NLGN1: variants seen among roughly 807,000 people sequenced by gnomAD.
The protein encoded by NLGN1 is neuroligin 1.
NLGN1 carries 12 observed loss-of-function variants against 65.5 expected under a neutral mutation model. The ratio of observed to expected loss-of-function variants is 0.18; its 90% CI spans 0.12 to 0.30. NLGN1 has a LOEUF of 0.30. NLGN1 is among the 10% of genes least tolerant of loss of function. The probability of loss-of-function intolerance (pLI) is 1.00; values close to 1 mark genes in which losing one functional copy is unlikely to be tolerated. For synonymous variants in NLGN1, 350 were observed against 359.5 expected (o/e 0.97, Z 0.30); for missense variants, 750 against 1,007.1 (o/e 0.74, Z 3.46).
At chr3:174,087,466 T>C (rs1377829685) in intron 4 of NLGN1, among the ~76,000 whole-genome samples, 1 of 152,168 alleles carries the variant, frequency 6.6e-6, no homozygotes. Flanking sequence ...AAAAGTGCTT[T>C]TATTATTTTA....
intron 3 of NLGN1, among the ~76,000 whole-genome samples, chr3:173,660,082 C>T (rs750139716): frequency 1.4e-5 from 2 of 139,318 alleles, no homozygotes; most frequent in African/African-American, 5.4e-5. Flanking sequence ...GGTACATGTT[C>T]TAGTAAAATG....
chr3:173,960,098 T>C (rs1315250061), intron 4 of NLGN1, among the ~76,000 whole-genome samples: 1 of 152,144 alleles, frequency 6.6e-6, no homozygotes, highest in African/African-American at 2.4e-5. Context: ...GTTTTGTGTA[T>C]TACTTTTTCC....
At chr3:174,200,708 C>A (rs1333281558) in intron 4 of NLGN1, among the ~76,000 whole-genome samples, 1 of 152,120 alleles carries the variant, frequency 6.6e-6, no homozygotes, top group Non-Finnish European at 1.5e-5. Context: ...CTTTTATATG[C>A]ACTTTTACCT....
intron 4 of NLGN1, among the ~76,000 whole-genome samples, chr3:173,976,346 G>A (rs1358236871): frequency 5.3e-5 from 8 of 152,032 alleles, no homozygotes; most frequent in African/African-American, 1.9e-4. Flanking sequence ...GTACAACAAT[G>A]AATGTACTAT....
intron 4 of NLGN1, among the ~76,000 whole-genome samples, chr3:173,926,675 C>T (rs1340430738): frequency 1.3e-5 from 2 of 152,166 alleles, no homozygotes; most frequent in Non-Finnish European, 2.9e-5. Flanking sequence ...TATATCGCAC[C>T]TTGTAATGTT....
At chr3:173,457,756 G>T (rs961043921) in intron 2 of NLGN1, among the ~76,000 whole-genome samples, 11 of 152,182 alleles carry the variant, frequency 7.2e-5, no homozygotes, top group African/African-American at 2.6e-4. Context: ...TATCTTATGG[G>T]TTGAATATGA....
rs1380098600 is a variant in NLGN1, at chr3:174,031,170, C to G, written c.646+223338C>G. On this transcript the variant is annotated intron_variant, in intron 4 of 6. Coordinates refer to ENST00000457714, the Ensembl canonical transcript of NLGN1. ...AGCAGTCCTAGAAGGCTTCTCCACA[C>G]CAGTTCCTTCTCCACAACCAGGGCC... is the stretch of plus-strand genomic sequence containing the variant. Among the ~76,000 whole-genome samples the G allele has an allele frequency of 7.9e-5, 12 of 152,272 alleles. No homozygotes were observed. The East Asian group carries it at 1.5e-3, about 20-fold the overall frequency.
intron 3 of NLGN1, among the ~76,000 whole-genome samples, chr3:173,700,693 T>G (rs1457046191): frequency 6.6e-6 from 1 of 152,250 alleles, no homozygotes; most frequent in Admixed American, 6.5e-5. Flanking sequence ...TCATATTTTA[T>G]TTTTTAATGT....
At chr3:174,239,743 TAGATCTAAGA>T (rs1220696809) in intron 4 of NLGN1, among the ~76,000 whole-genome samples, 2 of 152,154 alleles carry the variant, frequency 1.3e-5, no homozygotes, top group African/African-American at 4.8e-5. Context: ...TATCCAGCCT[TAGATCTAAGA>T]AGAGGGTTTG....
chr3:174,214,140 A>T (rs570103116), intron 4 of NLGN1, among the ~76,000 whole-genome samples: 15 of 152,302 alleles, frequency 9.8e-5, no homozygotes, highest in African/African-American at 3.4e-4. Context: ...TAAAGGATAC[A>T]AAACTACAGC....
intron 4 of NLGN1, among the ~76,000 whole-genome samples, chr3:174,057,294 G>T (rs114010055): frequency 6.6e-6 from 1 of 152,124 alleles, no homozygotes; most frequent in African/African-American, 2.4e-5. Context: ...TTGATAACTA[G>T]ATGTGTGAAT....
chr3:173,534,407 C>T (rs1433487745), intron 2 of NLGN1, among the ~76,000 whole-genome samples: 1 of 152,154 alleles, frequency 6.6e-6, no homozygotes, highest in African/African-American at 2.4e-5. Context: ...TCATTCAAAT[C>T]ACTGGGGGCT....
chr3:174,206,676 C>A (rs897535912), intron 4 of NLGN1, among the ~76,000 whole-genome samples: 1 of 152,162 alleles, frequency 6.6e-6, no homozygotes, highest in Non-Finnish European at 1.5e-5. Flanking sequence ...ATGATAAGTT[C>A]TTCTTTGATG....
chr3:174,095,133 A>G (rs1745230311), intron 4 of NLGN1, among the ~76,000 whole-genome samples: 2 of 152,096 alleles, frequency 1.3e-5, no homozygotes, highest in Non-Finnish European at 1.5e-5. Context: ...TATAGTCATC[A>G]TGACTGGCAA....
At chr3:173,416,783 A>G (rs558365461) in intron 1 of NLGN1, among the ~76,000 whole-genome samples, 1 of 152,288 alleles carries the variant, frequency 6.6e-6, no homozygotes, top group Non-Finnish European at 1.5e-5. Flanking sequence ...GGATACTGAT[A>G]TGGCCCAAGC....
chr3:173,538,872 G>A (rs918399223), intron 2 of NLGN1, among the ~76,000 whole-genome samples: 2 of 102,684 alleles, frequency 1.9e-5, no homozygotes, highest in Non-Finnish European at 4.0e-5. Context: ...ATATCTTCAT[G>A]GTTTTTTTTT....
intron 4 of NLGN1, among the ~76,000 whole-genome samples, chr3:174,062,748 CAA>C (rs1296956114): frequency 1.3e-5 from 2 of 151,754 alleles, no homozygotes; most frequent in Admixed American, 6.6e-5. Flanking sequence ...ATGAAAGAAA[CAA>C]TATTTATTAA....
intron 2 of NLGN1, among the ~76,000 whole-genome samples, chr3:173,579,456 AAGACAGTG>A (rs1272497229): frequency 6.6e-6 from 1 of 152,246 alleles, no homozygotes; most frequent in Non-Finnish European, 1.5e-5. Context: ...CAGCCTGGGC[AAGACAGTG>A]AGACCAGGTC....
chr3:174,083,429 C>G (rs1237946448), intron 4 of NLGN1, among the ~76,000 whole-genome samples: 2 of 151,966 alleles, frequency 1.3e-5, no homozygotes, highest in Non-Finnish European at 2.9e-5. Flanking sequence ...TATGTATTAA[C>G]TATTATGATG....
Sources: allele counts gnomAD v4.1 joint callset (sites outside exome capture counted in the v4.1 genomes callset), GRCh38; gene constraint gnomAD v4.1.1; transcripts MANE v1.5; gene names NCBI Gene and HGNC (gene_info 2026-07-23, HGNC 2026-07-21).